Variants in PSEN1 observed in about 807,000 individuals in gnomAD.
PSEN1 encodes presenilin-1.
PSEN1 carries 15 observed loss-of-function variants against 53.5 expected under a neutral mutation model. The ratio of observed to expected loss-of-function variants is 0.28; its 90% CI spans 0.19 to 0.43. PSEN1 has a LOEUF of 0.43. Ranked by LOEUF, PSEN1 falls within the 20% of genes least tolerant of loss-of-function variation. The pLI, the probability that PSEN1 is intolerant of heterozygous loss-of-function variation, is 1.00. For missense variants in PSEN1, 387 were observed against 571.2 expected, an observed-to-expected ratio of 0.68 and a Z score of 3.29; for synonymous variants, 208 against 209.8, an observed-to-expected ratio of 0.99 and a Z score of 0.08.
Position 73,206,383 on chromosome 14 carries a change from C to A in PSEN1, c.869-3C>A, listed in dbSNP as rs2140125016. 10 of 1,613,376 alleles carry A rather than the reference C, an allele frequency of 6.2e-6. No individual in the cohort carries two copies. Among genetic ancestry groups the A allele is most frequent in the Non-Finnish European group, 8.5e-6 (10 of 1,179,328 alleles). On this transcript the variant is annotated splice_region_variant and splice_polypyrimidine_tract_variant and intron_variant, in intron 8 of 11. Coordinates refer to ENST00000324501, the MANE Select transcript of PSEN1 (RefSeq NM_000021.4). ...TTACCTGGAATTTTGTCTTTCCCAA[C>A]AGCAACAATGGTGTGGTTGGTGAAT...
chr14:73,140,296 C>T (rs1057081727), intron 1 of PSEN1, among the ~76,000 whole-genome samples: 6 of 148,584 alleles, frequency 4.0e-5, no homozygotes, highest in South Asian at 2.1e-4. Context: ...CTGCAACGTC[C>T]GCCTCCCAGG....
rs566077284 is a variant in PSEN1, at chr14:73,208,858, G to A, written c.955+2386G>A. 8.7e-4 allele frequency: 395 copies of A among 455,148 alleles called. 5 individuals are homozygous for A. The highest frequency in any genetic ancestry group is 5.7e-3 in the South Asian group (364 of 64,352). 28.2% of individuals were successfully genotyped at this position (455,148 alleles called of 1,614,324 possible). On this transcript the variant is annotated intron_variant, in intron 9 of 11. Transcript: ENST00000324501. ...TGCCTCCTGCTGCCATCAACCTGCT[G>A]TCTATAGCTCCCATGGCACCCAGGC...
Position 73,219,328 on chromosome 14 carries a change from G to C in PSEN1, c.*39G>C. The C allele has an allele frequency of 6.3e-7, 1 of 1,584,722 alleles. No individual in the cohort carries two copies. Among genetic ancestry groups the C allele is most frequent in the Admixed American group, 1.7e-5 (1 of 59,964 alleles). On this transcript the variant is annotated 3_prime_UTR_variant, in exon 12 of 12. Transcript: ENST00000324501. Reference sequence around the variant, plus strand: ...AGAATCCCATGGATGTTTCTTCTTTGACTATAACAAAATCTGGGGAGGACA... The same window carrying C: ...AGAATCCCATGGATGTTTCTTCTTTCACTATAACAAAATCTGGGGAGGACA...
At chr14:73,146,969 A>G (rs1400202676) in intron 1 of PSEN1, among the ~76,000 whole-genome samples, 3 of 152,214 alleles carry the variant, frequency 2.0e-5, no homozygotes, top group East Asian at 3.9e-4. Flanking sequence ...TCTGAGAGAC[A>G]CAGTCATCCC....
chr14:73,148,330 C>A (rs1014098745), intron 3 of PSEN1, among the ~76,000 whole-genome samples: 1 of 152,206 alleles, frequency 6.6e-6, no homozygotes, highest in Non-Finnish European at 1.5e-5. Flanking sequence ...TCAGTTGAAG[C>A]CTTCTCCAGC....
At chr14:73,143,479 T>TA (rs1896983138) in intron 1 of PSEN1, among the ~76,000 whole-genome samples, 1 of 152,220 alleles carries the variant, frequency 6.6e-6, no homozygotes. Context: ...AGTTTTTTTT[T>TA]ACATGTCAGT....
At chr14:73,193,491 A>G (rs112560505) in intron 7 of PSEN1, among the ~76,000 whole-genome samples, 5,472 of 146,378 alleles carry the variant, frequency 0.037, 334 homozygotes, top group African/African-American at 0.13. Flanking sequence ...TGGAGGTTGC[A>G]GTGAGCCGAG....
intron 1 of PSEN1, among the ~76,000 whole-genome samples, chr14:73,138,891 C>T (rs1489763071): frequency 1.3e-5 from 2 of 151,040 alleles, no homozygotes; most frequent in Non-Finnish European, 1.5e-5. Flanking sequence ...GGCGTGAACC[C>T]GGGAGGCGGA....
intron 1 of PSEN1, among the ~76,000 whole-genome samples, chr14:73,144,679 T>C (rs536396813): frequency 6.6e-6 from 1 of 152,268 alleles, no homozygotes; most frequent in African/African-American, 2.4e-5. Flanking sequence ...TATCATAAAT[T>C]AGTTTGTTAA....
At chr14:73,189,875 A>G in intron 6 of PSEN1, 1 of 220,262 alleles carries the variant, frequency 4.5e-6, no homozygotes, top group South Asian at 6.3e-5. Flanking sequence ...GACCTTTACC[A>G]TGTGTTGGTC....
intron 4 of PSEN1, 105 bp downstream of exon 4, chr14:73,171,152 C>A: frequency 7.3e-7 from 1 of 1,360,956 alleles, no homozygotes; most frequent in Non-Finnish European, 1.0e-6. Context: ...CATGACTTAG[C>A]TGGAGAGCCC....
At chr14:73,165,198 C>T (rs866953371) in intron 3 of PSEN1, among the ~76,000 whole-genome samples, 41 of 152,062 alleles carry the variant, frequency 2.7e-4, no homozygotes, top group Non-Finnish European at 4.3e-4. Flanking sequence ...TCGGGTGATC[C>T]GCCCGCCTCA....
At chr14:73,195,107 T>TA (rs1399328770) in intron 7 of PSEN1, among the ~76,000 whole-genome samples, 1 of 152,252 alleles carries the variant, frequency 6.6e-6, no homozygotes, top group African/African-American at 2.4e-5. Context: ...CTATTCTTGC[T>TA]TAGCTGTGAG....
intron 1 of PSEN1, among the ~76,000 whole-genome samples, chr14:73,144,436 T>G (rs1020814448): frequency 6.6e-6 from 1 of 152,244 alleles, no homozygotes; most frequent in Non-Finnish European, 1.5e-5. Context: ...TAGAGCAGTT[T>G]TTGAAGTTTA....
chr14:73,204,417 AAT>A (rs1037600599), intron 8 of PSEN1, among the ~76,000 whole-genome samples: 1 of 151,968 alleles, frequency 6.6e-6, no homozygotes, highest in Non-Finnish European at 1.5e-5. Flanking sequence ...CTATTTAACA[AAT>A]ATACTATTTA....
chr14:73,216,628 A>C (rs1899925381), intron 10 of PSEN1, among the ~76,000 whole-genome samples: 1 of 152,066 alleles, frequency 6.6e-6, no homozygotes, highest in Non-Finnish European at 1.5e-5. Context: ...GCATGGTGGC[A>C]TGCGCCTGTA....
intron 3 of PSEN1, among the ~76,000 whole-genome samples, chr14:73,148,601 T>C (rs1238786068): frequency 6.6e-6 from 1 of 152,102 alleles, no homozygotes; most frequent in Non-Finnish European, 1.5e-5. Context: ...TACACAGACA[T>C]GAAATTTGAC....
At chr14:73,191,415 G>A (rs1221743547) in intron 6 of PSEN1, among the ~76,000 whole-genome samples, 1 of 152,020 alleles carries the variant, frequency 6.6e-6, no homozygotes, top group Non-Finnish European at 1.5e-5. Context: ...GTGTGTGTAT[G>A]ATGATTCTTC....
intron 4 of PSEN1, among the ~76,000 whole-genome samples, chr14:73,171,737 G>A (rs778082529): frequency 9.2e-5 from 14 of 152,170 alleles, no homozygotes; most frequent in Non-Finnish European, 1.8e-4. Context: ...CTGGAATGAG[G>A]GTGGAGCAGG....
Sources: gnomAD v4.1 joint callset for allele counts (sites outside exome capture counted in the v4.1 genomes callset) on GRCh38, gnomAD v4.1.1 for gene constraint, MANE v1.5 for transcripts, NCBI Gene and HGNC (gene_info 2026-07-23, HGNC 2026-07-21) for gene names.